BTBD7: variants seen among roughly 807,000 people sequenced by gnomAD.
BTBD7 encodes BTB domain containing 7.
BTBD7 carries 38 observed loss-of-function variants against 99.9 expected under a neutral mutation model. The observed-to-expected ratio is 0.38, with a 90% CI of 0.29 to 0.50. BTBD7 has a LOEUF of 0.50. Among genes scored for constraint, BTBD7 ranks in the 20% least tolerant of loss-of-function variants. BTBD7 has a pLI of 0.93. For missense variants in BTBD7, 1,170 were observed against 1,394.6 expected, an observed-to-expected ratio of 0.84 and a Z score of 2.57; for synonymous variants, 520 against 511.4, an observed-to-expected ratio of 1.02 and a Z score of -0.23.
Position 93,245,867 on chromosome 14 carries a change from T to C in BTBD7, c.2541A>G (p.Ser847=). 6.2e-7 allele frequency: 1 copy of C among 1,613,860 alleles called. No homozygotes were observed. The highest frequency in any genetic ancestry group is 8.5e-7 in the Non-Finnish European group (1 of 1,179,894). ...TVAAAAATTT[S]TATAAAAAAS... ...CTGCTGCTGCTGCTGCTGTTGCTGT[T>C]GAGGTGGTGGTGGCGGCAGCAGCAG... Residue 847 remains serine (S), a synonymous_variant, in exon 10 of 11, where the codon TCA becomes TCG. Coordinates refer to ENST00000334746, the MANE Select transcript of BTBD7 (RefSeq NM_001002860.4).
rs767127376 is a variant in BTBD7, at chr14:93,243,067, C to T, written c.2605G>A (p.Asp869Asn). The T allele has an allele frequency of 2.9e-5, 46 of 1,613,598 alleles. No homozygotes were observed. Among genetic ancestry groups the T allele is most frequent in the Non-Finnish European group, 3.9e-5 (46 of 1,179,812 alleles). The change falls in exon 11 of 11, where the codon GAT becomes AAT. Residue 869 changes from aspartate to asparagine, a missense_variant. Coordinates refer to ENST00000334746, the MANE Select transcript of BTBD7 (RefSeq NM_001002860.4). Reference protein sequence around the residue: ...KQVRTQPVLNDLMPDIAVGVS... With the variant: ...KQVRTQPVLNNLMPDIAVGVS... ...CCCACCGCGATGTCTGGCATCAGAT[C>T]ATTCAGCACAGGTTGTGTTCGCTGC...
chr14:93,247,395 T>A (rs906720559), intron 9 of BTBD7, among the ~76,000 whole-genome samples: 1 of 152,106 alleles, frequency 6.6e-6, no homozygotes, highest in African/African-American at 2.4e-5. Context: ...TCACCCAGGC[T>A]GGAGTGCAGT....
intron 3 of BTBD7, among the ~76,000 whole-genome samples, chr14:93,266,314 G>A (rs1156372191): frequency 2.6e-5 from 4 of 152,090 alleles, no homozygotes; most frequent in Non-Finnish European, 4.4e-5. Context: ...TCTGGGCCCC[G>A]TGGGTCAGTT....
chr14:93,297,345 C>T (rs1197054501), intron 1 of BTBD7, among the ~76,000 whole-genome samples: 1 of 152,180 alleles, frequency 6.6e-6, no homozygotes, highest in African/African-American at 2.4e-5. Flanking sequence ...TTTATTTAGA[C>T]GGAGTCTCGC....
chr14:93,253,904 A>C (rs1034080016), intron 6 of BTBD7, 114 bp from the exon 7 acceptor site: 16 of 542,224 alleles, frequency 3.0e-5, no homozygotes, highest in Admixed American at 8.5e-5. Flanking sequence ...TCATTTAAAT[A>C]AAAATTTAGA....
chr14:93,316,789 A>G (rs1286226087), intron 1 of BTBD7, among the ~76,000 whole-genome samples: 1 of 152,208 alleles, frequency 6.6e-6, no homozygotes, highest in African/African-American at 2.4e-5. Context: ...AAGATGGTAA[A>G]GTGATCATAA....
chr14:93,290,677 C>T (rs1299051475), intron 3 of BTBD7, among the ~76,000 whole-genome samples: 1 of 151,344 alleles, frequency 6.6e-6, no homozygotes, highest in Non-Finnish European at 1.5e-5. Context: ...GCCACCACAC[C>T]CAGCTAAATT....
intron 3 of BTBD7, among the ~76,000 whole-genome samples, chr14:93,264,758 A>G (rs2052524033): frequency 2.0e-5 from 3 of 152,166 alleles, no homozygotes; most frequent in South Asian, 4.1e-4. Flanking sequence ...TAAAACAAAA[A>G]ACAATCCTGA....
chr14:93,255,839 C>T (rs2052423365), intron 6 of BTBD7: 1 of 152,182 alleles, frequency 6.6e-6, no homozygotes, highest in African/African-American at 2.4e-5. Context: ...GCAAAATATT[C>T]TGTTGTGTAG....
intron 1 of BTBD7, among the ~76,000 whole-genome samples, chr14:93,310,714 A>T (rs1462836675): frequency 6.6e-6 from 1 of 151,544 alleles, no homozygotes; most frequent in Non-Finnish European, 1.5e-5. Flanking sequence ...ATTGCACTCT[A>T]GCCTGGGCAA....
chr14:93,281,908 T>C (rs1423832664), intron 3 of BTBD7, among the ~76,000 whole-genome samples: 2 of 152,248 alleles, frequency 1.3e-5, no homozygotes, highest in Admixed American at 1.3e-4. Flanking sequence ...AGAGTTATTA[T>C]AGGAGATGGT....
intron 3 of BTBD7, among the ~76,000 whole-genome samples, chr14:93,276,311 TTACAA>T (rs952339595): frequency 4.6e-5 from 7 of 152,222 alleles, no homozygotes; most frequent in African/African-American, 1.7e-4. Context: ...TCATGCTCCC[TTACAA>T]TACATTTTAG....
At chr14:93,290,986 A>AG (rs1303001060) in intron 3 of BTBD7, among the ~76,000 whole-genome samples, 1 of 106,264 alleles carries the variant, frequency 9.4e-6, no homozygotes, top group Non-Finnish European at 1.9e-5. Context: ...TGCTAGGCCT[A>AG]GTTTTTTTTT....
At chr14:93,261,487 A>G in intron 5 of BTBD7, 115 bp downstream of exon 5, 1 of 834,380 alleles carries the variant, frequency 1.2e-6, no homozygotes, top group Non-Finnish European at 2.0e-6. Context: ...AAAAACTTCC[A>G]TTTTCACCAG....
rs540955140 is a variant in BTBD7 at position 93,326,928 on chromosome 14, T to C, written c.-107+5892A>G. ...GAACTTTGATTTTGCTTTATTACCA[T>C]TGTACCAAGACTGGGTTAACAGGGA... On this transcript the variant is annotated intron_variant, in intron 1 of 10. Transcript: ENST00000334746. Among the ~76,000 whole-genome samples, 9 of 152,292 alleles carry C rather than the reference T, an allele frequency of 5.9e-5. No homozygotes were observed. The South Asian group carries it at 8.3e-4, about 14-fold the overall frequency.
Position 93,246,206 on chromosome 14 carries a change from G to A in BTBD7, c.2202C>T (p.Arg734=), listed in dbSNP as rs768518303. The part of the protein sequence containing the change: ...LLTMRQPGRC[R]VNSTPPAETM... ...TTTCTGCAGGAGGTGTACTGTTTAC[G>A]CGACATCTCCCAGGCTGTCTCATTG... Residue 734 remains arginine, a synonymous_variant, in exon 10 of 11, where the codon CGC becomes CGT. Coordinates refer to ENST00000334746, the MANE Select transcript of BTBD7 (RefSeq NM_001002860.4). 6.2e-6 allele frequency: 10 copies of A among 1,608,260 alleles called. No homozygotes were observed. The highest frequency in any genetic ancestry group is 1.7e-4 in the Middle Eastern group (1 of 6,020).
At position 93,324,776 on chromosome 14, in the gene BTBD7, G is replaced by A. The variant is rs142391497; in HGVS notation, c.-107+8044C>T. 7.2e-5 allele frequency among the ~76,000 whole-genome samples: 11 copies of A among 152,320 alleles called. No individual in the cohort carries two copies. In the East Asian group the frequency reaches 2.1e-3, roughly 29 times the overall value. On this transcript the variant is annotated intron_variant, in intron 1 of 10. Transcript: ENST00000334746. ...AGTTTACAGGGAAATGCCATGATTT[G>A]ACTGGTTTGAACTAATGGAACTCTA...
At chr14:93,256,015 G>A (rs2052425234) in intron 6 of BTBD7, 1 of 151,956 alleles carries the variant, frequency 6.6e-6, no homozygotes, top group East Asian at 1.9e-4. Context: ...ACTGCTCCTT[G>A]TGGAGCAGGG....
At chr14:93,332,007 T>C (rs947300357) in intron 1 of BTBD7, among the ~76,000 whole-genome samples, 1 of 151,716 alleles carries the variant, frequency 6.6e-6, no homozygotes, top group African/African-American at 2.4e-5. Context: ...AGACTGCTTC[T>C]GTAAATTAGG....
Sources: gnomAD v4.1 joint callset for allele counts (sites outside exome capture counted in the v4.1 genomes callset) on GRCh38, gnomAD v4.1.1 for gene constraint, MANE v1.5 for transcripts, NCBI Gene and HGNC (gene_info 2026-07-23, HGNC 2026-07-21) for gene names.